Variants in USP10 observed in about 807,000 individuals in gnomAD.
USP10 encodes the protein ubiquitin specific peptidase 10, also known as ubiquitin carboxyl-terminal hydrolase 10.
In USP10, 22 loss-of-function variants were observed where a neutral mutation model predicts 84.5. That is an observed-to-expected ratio of 0.26 (90% CI 0.19 to 0.37). The LOEUF is 0.37. Among genes scored for constraint, USP10 ranks in the 10% least tolerant of loss-of-function variants. The pLI is 1.00. For missense variants in USP10, 1,019 were observed against 998.9 expected (o/e 1.02, Z -0.27); for synonymous variants, 454 against 387.6 (o/e 1.17, Z -2.01).
chr16:84,747,117 C>G (rs913636602), intron 4 of USP10, among the ~76,000 whole-genome samples: 5 of 152,178 alleles, frequency 3.3e-5, no homozygotes, highest in Admixed American at 2.0e-4. Context: ...CGAAATGTTA[C>G]GCCGCGCGTG....
intron 10 of USP10, among the ~76,000 whole-genome samples, chr16:84,766,460 C>T (rs1050091804): frequency 1.3e-5 from 2 of 152,180 alleles, no homozygotes; most frequent in African/African-American, 2.4e-5. Flanking sequence ...CGCGCAGCAG[C>T]GAGGGAAGGC....
chr16:84,761,192 A>G (rs1046897045), intron 8 of USP10, among the ~76,000 whole-genome samples: 1 of 152,206 alleles, frequency 6.6e-6, no homozygotes, highest in African/African-American at 2.4e-5. Flanking sequence ...ATAGTCAACA[A>G]GAGAAGCACA....
chr16:84,764,013 A>G lies in USP10; in HGVS notation c.1655-73A>G, dbSNP rs968510604. On this transcript the variant is annotated intron_variant, in intron 9 of 13. Transcript: ENST00000219473. ...GATTTCATTTTTAAAACTGCAATCGACAGATCTGTGCCTTTTTTTTTTTTG... is the reference window on the plus strand; with the variant it reads ...GATTTCATTTTTAAAACTGCAATCGGCAGATCTGTGCCTTTTTTTTTTTTG... 3.4e-6 allele frequency: 5 copies of G among 1,485,346 alleles called. No homozygotes were observed. In the South Asian group the frequency reaches 4.1e-5, roughly 12 times the overall value. The allele number at this position is 1,485,346 out of a possible 1,614,324, so 92.0% of individuals were successfully genotyped here.
chr16:84,764,707 T>G (rs1053075171), intron 10 of USP10, among the ~76,000 whole-genome samples: 1 of 151,954 alleles, frequency 6.6e-6, no homozygotes, highest in Non-Finnish European at 1.5e-5. Flanking sequence ...GACAGGCACC[T>G]GTAATCCCAG....
rs1555548055 is a variant in USP10 at position 84,764,939 on chromosome 16, A to ATATATATATAT, written c.1832+676_1832+677insTATATATATAT. ...TAACCACGAGAGAGAGAGAAAAAAA[A>ATATATATATAT]ATATATATATATATATTAGACTTCA... On this transcript the variant is annotated intron_variant, in intron 10 of 13. Transcript: ENST00000219473. Among the ~76,000 whole-genome samples, 516 of 132,244 alleles carry ATATATATATAT rather than the reference A, an allele frequency of 3.9e-3. 7 individuals are homozygous for ATATATATATAT. Among genetic ancestry groups the ATATATATATAT allele is most frequent in the East Asian group, 0.012 (47 of 4,070 alleles). The allele number at this position is 132,244 out of a possible 152,430, so 86.8% of individuals were successfully genotyped here.
chr16:84,770,323 T>C (rs892110494), intron 11 of USP10, among the ~76,000 whole-genome samples: 1 of 151,424 alleles, frequency 6.6e-6, no homozygotes, highest in Non-Finnish European at 1.5e-5. Context: ...CTTGAATGTG[T>C]TTTTTTTTAA....
chr16:84,772,293 C>T (rs1283017737), intron 11 of USP10, among the ~76,000 whole-genome samples: 1 of 152,094 alleles, frequency 6.6e-6, no homozygotes, highest in Non-Finnish European at 1.5e-5. Flanking sequence ...TCAGGTGATC[C>T]GCCTGTCTCA....
intron 1 of USP10, among the ~76,000 whole-genome samples, chr16:84,726,455 G>A (rs62048854): frequency 0.3 from 45,556 of 152,116 alleles, 8,171 homozygotes; most frequent in Non-Finnish European, 0.42. Flanking sequence ...CTTTGCCCAG[G>A]GTTTCTCAAC....
chr16:84,758,398 C>G (rs1451550891), intron 4 of USP10, among the ~76,000 whole-genome samples: 1 of 152,290 alleles, frequency 6.6e-6, no homozygotes, highest in Non-Finnish European at 1.5e-5. Context: ...TCTCTCAAAT[C>G]TATTCTCTAA....
chr16:84,748,947 G>T (rs566225590), intron 4 of USP10, among the ~76,000 whole-genome samples: 1 of 152,104 alleles, frequency 6.6e-6, no homozygotes, highest in Non-Finnish European at 1.5e-5. Context: ...ATCCTATTTG[G>T]TTAGGTCAGT....
At chr16:84,737,944 A>G (rs1469429164) in intron 2 of USP10, among the ~76,000 whole-genome samples, 1 of 152,204 alleles carries the variant, frequency 6.6e-6, no homozygotes, top group Non-Finnish European at 1.5e-5. Context: ...GCTTGTCCTC[A>G]GCGTCATCTG....
chr16:84,707,173 G>A (rs1905641364), intron 1 of USP10, among the ~76,000 whole-genome samples: 1 of 152,192 alleles, frequency 6.6e-6, no homozygotes, highest in Non-Finnish European at 1.5e-5. Context: ...TACTTTGCCA[G>A]ACTGGTTTTC....
chr16:84,734,954 T>C (rs1445971144), intron 2 of USP10, among the ~76,000 whole-genome samples: 1 of 152,236 alleles, frequency 6.6e-6, no homozygotes, highest in African/African-American at 2.4e-5. Context: ...GTTCCGAGTG[T>C]GCTATTCTGT....
intron 5 of USP10, 110 bp from the exon 6 acceptor site, chr16:84,759,253 A>G (rs1248530561): frequency 4.0e-6 from 4 of 1,011,876 alleles, no homozygotes; most frequent in Non-Finnish European, 4.6e-6. Flanking sequence ...AAGTAGTTCA[A>G]CGTCCTTAGC....
chr16:84,737,462 C>G (rs924720442), intron 2 of USP10, among the ~76,000 whole-genome samples: 2 of 152,208 alleles, frequency 1.3e-5, no homozygotes, highest in African/African-American at 4.8e-5. Context: ...CTAAGTGCAT[C>G]TGATGTGTGA....
chr16:84,778,512 A>T (rs936355058), intron 13 of USP10, among the ~76,000 whole-genome samples: 1 of 152,224 alleles, frequency 6.6e-6, no homozygotes, highest in South Asian at 2.1e-4. Context: ...AGATTCAGAT[A>T]ATCTCTTCAG....
intron 1 of USP10, 112 bp from the exon 2 acceptor site, chr16:84,733,323 T>G: frequency 1.3e-6 from 1 of 794,600 alleles, no homozygotes; most frequent in Non-Finnish European, 2.1e-6. Flanking sequence ...GAAAGGATCT[T>G]GGGGGTTATG....
At chr16:84,721,610 C>CT (rs1229599491) in intron 1 of USP10, among the ~76,000 whole-genome samples, 4 of 152,198 alleles carry the variant, frequency 2.6e-5, no homozygotes, top group Non-Finnish European at 4.4e-5. Flanking sequence ...TCACTGCAGC[C>CT]TTGACCTCCT....
At chr16:84,774,081 C>A (rs894492206) in intron 12 of USP10, among the ~76,000 whole-genome samples, 1 of 152,046 alleles carries the variant, frequency 6.6e-6, no homozygotes, top group African/African-American at 2.4e-5. Flanking sequence ...GAAACCCCAA[C>A]TCTTCTAAAA....
Sources: gnomAD v4.1 joint callset for allele counts (sites outside exome capture counted in the v4.1 genomes callset) on GRCh38, gnomAD v4.1.1 for gene constraint, MANE v1.5 for transcripts, NCBI Gene and HGNC (gene_info 2026-07-23, HGNC 2026-07-21) for gene names.